The following APLP2 variants were observed in gnomAD, a reference collection of about 807,000 sequenced individuals.
The protein encoded by APLP2 is amyloid beta precursor like protein 2, also known as CDEI box-binding protein.
In APLP2, 53 loss-of-function variants were observed where a neutral mutation model predicts 89.9. The observed-to-expected ratio is 0.59, with a 90% CI of 0.47 to 0.74. The LOEUF (loss-of-function observed/expected upper bound fraction) is 0.74. APLP2 is among the 30% of genes least tolerant of loss of function. The pLI, the probability that APLP2 is intolerant of heterozygous loss-of-function variation, is 0.00. For synonymous variants in APLP2, 372 were observed against 348.6 expected, an observed-to-expected ratio of 1.07 and a Z score of -0.75; for missense variants, 973 against 975.9, an observed-to-expected ratio of 1.00 and a Z score of 0.04.
At chr11:130,097,215 T>C (rs368739799) in intron 1 of APLP2, among the ~76,000 whole-genome samples, 1 of 152,260 alleles carries the variant, frequency 6.6e-6, no homozygotes, top group South Asian at 2.1e-4. Context: ...GATTGATATC[T>C]GAGTGTTGTG....
chr11:130,086,561 T>A (rs547612546), intron 1 of APLP2, among the ~76,000 whole-genome samples: 1 of 152,350 alleles, frequency 6.6e-6, no homozygotes, highest in South Asian at 2.1e-4. Flanking sequence ...TTGCCTGTAG[T>A]TTTGGTGTCA....
intron 8 of APLP2, among the ~76,000 whole-genome samples, chr11:130,127,279 CT>C (rs912786338): frequency 1.1e-4 from 17 of 152,112 alleles, no homozygotes; most frequent in African/African-American, 4.1e-4. Context: ...AGAGATGTTT[CT>C]TTTCCTTTAA....
At chr11:130,076,107 C>T (rs546695352) in intron 1 of APLP2, among the ~76,000 whole-genome samples, 3 of 152,312 alleles carry the variant, frequency 2.0e-5, no homozygotes, top group African/African-American at 7.2e-5. Context: ...CCGAGTCTCA[C>T]TCTGTCATCC....
intron 12 of APLP2, 107 bp from the exon 13 acceptor site, chr11:130,135,456 G>T: frequency 7.7e-7 from 1 of 1,300,216 alleles, no homozygotes; most frequent in Non-Finnish European, 1.1e-6. Flanking sequence ...GGTGTTTCAG[G>T]CAGGAACTGG....
rs756716777 is a variant in APLP2, at chr11:130,142,068, C to T, written c.2148C>T (p.Ile716=). 3.1e-6 allele frequency: 5 copies of T among 1,611,720 alleles called. No individual in the cohort carries two copies. Among genetic ancestry groups the T allele is most frequent in the East Asian group, 2.2e-5 (1 of 44,822 alleles). ...KRQYGTISHG[I]VEVDPMLTPE... is the part of the protein sequence containing the mutation. ...AGTATGGCACCATCAGCCACGGGAT[C>T]GTGGAGGTGAGGAGCTGGGCTGCTG... is the stretch of plus-strand genomic sequence containing the variant. The change falls in exon 16 of 17, where the codon ATC becomes ATT. Residue 716 remains isoleucine (I), a synonymous_variant. Coordinates refer to ENST00000338167, the MANE Select transcript of APLP2 (RefSeq NM_001142276.2).
chr11:130,091,143 C>T (rs1945017596), intron 1 of APLP2, among the ~76,000 whole-genome samples: 1 of 136,566 alleles, frequency 7.3e-6, no homozygotes, highest in African/African-American at 2.8e-5. Flanking sequence ...CAGAGGGGCT[C>T]CTCACTTCCC....
intron 10 of APLP2, 68 bp from the exon 11 acceptor site, chr11:130,129,970 C>G (rs1261738238): frequency 1.9e-6 from 3 of 1,552,774 alleles, no homozygotes; most frequent in South Asian, 2.3e-5. Flanking sequence ...ACTTTTTAAG[C>G]TTTTGTTTTC....
rs1940520063 is a variant in APLP2, at chr11:130,069,924, A to AG, written c.-52dup. The AG allele has an allele frequency of 7.5e-7, 1 of 1,333,634 alleles. No homozygotes were observed. Among genetic ancestry groups the AG allele is most frequent in the African/African-American group, 1.5e-5 (1 of 65,602 alleles). 82.6% of individuals were successfully genotyped at this position (1,333,634 alleles called of 1,614,324 possible). The stretch of plus-strand genomic sequence containing the variant: ...CTTCTGGGTCGCGGTGTGCTAAGCG[A>AG]GGAGTCCGAGTGTGTGAGCTTGAGA... On this transcript the variant is annotated 5_prime_UTR_variant, in exon 1 of 17. The change abolishes the stop of an existing upstream ORF in the 5' untranslated region. Coordinates refer to ENST00000338167, the MANE Select transcript of APLP2 (RefSeq NM_001142276.2).
chr11:130,141,629 T>C lies in APLP2; in HGVS notation c.1998+57T>C, dbSNP rs1169471207. 5 of 1,488,648 alleles carry C rather than the reference T, an allele frequency of 3.4e-6. No individual in the cohort carries two copies. In the African/African-American group the frequency reaches 4.2e-5, roughly 12 times the overall value. 92.2% of individuals were successfully genotyped at this position (1,488,648 alleles called of 1,614,324 possible). ...CTGCCAATCTTAGGTATTTCTCCTC[T>C]GGACCTTCTCAGTTCAAGTAGAAAA... On this transcript the variant is annotated intron_variant, in intron 15 of 16. Coordinates refer to ENST00000338167, the MANE Select transcript of APLP2 (RefSeq NM_001142276.2). This position sits in a 1 kb window ranked among gnomAD's most constrained non-coding sequence, Gnocchi z 4.2.
chr11:130,077,974 A>G (rs1942423282), intron 1 of APLP2, among the ~76,000 whole-genome samples: 1 of 152,210 alleles, frequency 6.6e-6, no homozygotes, highest in Non-Finnish European at 1.5e-5. Context: ...AAAAAAGCTC[A>G]GTGTGTTTTT....
At chr11:130,117,375 T>C (rs1378341895) in intron 3 of APLP2, among the ~76,000 whole-genome samples, 3 of 152,238 alleles carry the variant, frequency 2.0e-5, no homozygotes, top group African/African-American at 4.8e-5. Flanking sequence ...AGACATAATG[T>C]GATGGTTGCT....
At chr11:130,115,603 A>ATGTT (rs1252810749) in intron 3 of APLP2, among the ~76,000 whole-genome samples, 1 of 152,206 alleles carries the variant, frequency 6.6e-6, no homozygotes, top group Non-Finnish European at 1.5e-5. Flanking sequence ...GTAGAGCTTT[A>ATGTT]TGTTTGTCCA....
At chr11:130,136,507 G>A (rs1215309082) in intron 13 of APLP2, among the ~76,000 whole-genome samples, 1 of 152,144 alleles carries the variant, frequency 6.6e-6, no homozygotes, top group African/African-American at 2.4e-5. Flanking sequence ...GCTTATAAGT[G>A]GAGAGTCAGG....
chr11:130,121,539 A>C lies in APLP2; in HGVS notation c.517-75A>C, dbSNP rs375337017. 1.5e-4 allele frequency: 217 copies of C among 1,444,050 alleles called. 2 individuals carry two copies. In the South Asian group the frequency reaches 3.5e-3, roughly 24 times the overall value. 89.5% of individuals were successfully genotyped at this position (1,444,050 alleles called of 1,614,324 possible). On this transcript the variant is annotated intron_variant, in intron 4 of 16. Coordinates refer to ENST00000338167, the MANE Select transcript of APLP2 (RefSeq NM_001142276.2). Reference sequence around the variant, plus strand: ...GTGATTTGATAAGGGTTTATTTTGGAGGGTAGAGATCGGAGTGTATTTGAC... The same window carrying C: ...GTGATTTGATAAGGGTTTATTTTGGCGGGTAGAGATCGGAGTGTATTTGAC...
chr11:130,098,771 A>G (rs981407790), intron 1 of APLP2, among the ~76,000 whole-genome samples: 9 of 152,218 alleles, frequency 5.9e-5, no homozygotes, highest in African/African-American at 2.2e-4. Flanking sequence ...TATATATCAT[A>G]GAGTACCAGG....
chr11:130,137,636 C>T (rs1373791039), intron 13 of APLP2, among the ~76,000 whole-genome samples: 2 of 152,232 alleles, frequency 1.3e-5, no homozygotes, highest in Non-Finnish European at 2.9e-5. Context: ...TTGTGAACTG[C>T]TGTCTCCGTA....
At chr11:130,101,651 AAC>A (rs1288467121) in intron 1 of APLP2, 2 of 171,986 alleles carry the variant, frequency 1.2e-5, no homozygotes, top group African/African-American at 4.8e-5. Flanking sequence ...AGAATTCAAA[AAC>A]ACTGTATTTT....
rs867975357 is a variant in APLP2, at chr11:130,070,069, C to T, written c.92C>T (p.Ala31Val). ...CTCACGGCGCCTGCCTTGGCGCTGG[C>T]CGGCTACATCGAGGTGGGGACCGGG... is the stretch of plus-strand genomic sequence containing the variant. The part of the protein sequence containing the change: ...VGLTAPALAL[A>V]GYIEALAANA... Residue 31 changes from alanine to valine, a missense_variant, in exon 1 of 17, where the codon GCC becomes GTC. By Grantham distance (64) the Ala-to-Val change is moderately conservative. Transcript: ENST00000338167. 2.0e-6 allele frequency: 3 copies of T among 1,479,946 alleles called. No homozygotes were observed. The highest frequency in any genetic ancestry group is 2.7e-6 in the Non-Finnish European group (3 of 1,123,464). The allele number at this position is 1,479,946 out of a possible 1,614,324, so 91.7% of individuals were successfully genotyped here. A position where few individuals can be genotyped will look rare whatever the true frequency, so the allele number is the denominator to read the frequency against.
intron 1 of APLP2, among the ~76,000 whole-genome samples, chr11:130,080,960 A>T (rs1591761194): frequency 6.6e-6 from 1 of 151,902 alleles, no homozygotes; most frequent in African/African-American, 2.4e-5. Context: ...AAGTGCTGGG[A>T]TTACAGGCGT....
Sources: gnomAD v4.1 joint callset for allele counts (sites outside exome capture counted in the v4.1 genomes callset) on GRCh38, gnomAD v4.1.1 for gene constraint, Gnocchi (gnomAD v3.1) non-coding constraint, MANE v1.5 for transcripts, NCBI Gene and HGNC (gene_info 2026-07-23, HGNC 2026-07-21) for gene names.